The following METTL21C variants were observed in gnomAD, a reference collection of about 807,000 sequenced individuals.
METTL21C encodes protein-lysine methyltransferase METTL21C.
A neutral mutation model predicts 25.9 loss-of-function variants in METTL21C; 21 were observed. That is an observed-to-expected ratio of 0.81 (90% CI 0.58 to 1.17). The LOEUF (loss-of-function observed/expected upper bound fraction) is 1.17, where lower values mean the gene tolerates loss of function less well. METTL21C is among the 50% of genes most tolerant of loss of function. The probability of loss-of-function intolerance (pLI) is 0.00; values close to 1 mark genes in which losing one functional copy is unlikely to be tolerated. For missense variants in METTL21C, 312 were observed against 315.1 expected (o/e 0.99, Z 0.07); for synonymous variants, 125 against 124.7 (o/e 1.00, Z -0.01).
chr13:102,694,900 T>TCTCTCTCA lies in METTL21C; in HGVS notation c.-403_-402insTGAGAGAG, dbSNP rs1262985773. Among the ~76,000 whole-genome samples the TCTCTCTCA allele has an allele frequency of 4.0e-4, 54 of 135,576 alleles. No individual in the cohort carries two copies. Among genetic ancestry groups the TCTCTCTCA allele is most frequent in the Middle Eastern group, 3.6e-3 (1 of 274 alleles). 88.9% of individuals were successfully genotyped at this position (135,576 alleles called of 152,430 possible). Reference sequence around the variant, plus strand: ...CTCTCTCTCTCTCTCTCTCTCTCTCTCACACACACACACACACACACACAC... The same window carrying TCTCTCTCA: ...CTCTCTCTCTCTCTCTCTCTCTCTCTCTCTCTCACACACACACACACACACACACACAC... On this transcript the variant is annotated 5_prime_UTR_variant, in exon 1 of 4. It removes the in-frame stop codon of an upstream open reading frame in the 5' UTR. Coordinates refer to ENST00000267273, the MANE Select transcript of METTL21C (RefSeq NM_001010977.3).
chr13:102,685,786 G>T lies in METTL21C; in HGVS notation c.*245C>A, dbSNP rs573051545. 2 of 402,592 alleles carry T rather than the reference G, an allele frequency of 5.0e-6. No individual in the cohort carries two copies. Among genetic ancestry groups the T allele is most frequent in the Non-Finnish European group, 8.8e-6 (2 of 227,588 alleles). The allele number at this position is 402,592 out of a possible 1,614,324, so 24.9% of individuals were successfully genotyped here. On this transcript the variant is annotated 3_prime_UTR_variant, in exon 4 of 4. Coordinates refer to ENST00000267273, the MANE Select transcript of METTL21C (RefSeq NM_001010977.3). Reference sequence around the variant, plus strand: ...TAAGATTTATTAAACATGTAACTTCGTTGGAACCAACAAAGCTACTTTCAT... The same window carrying T: ...TAAGATTTATTAAACATGTAACTTCTTTGGAACCAACAAAGCTACTTTCAT...
At chr13:102,697,281 G>A (rs1727487165), upstream of METTL21C, among the ~76,000 whole-genome samples, 1 of 152,032 alleles carries the variant, frequency 6.6e-6, no homozygotes, top group African/African-American at 2.4e-5. Context: ...GGTTCTCAAG[G>A]GGGAGTCCTC....
At chr13:102,691,204 C>T (rs1316132133) in intron 1 of METTL21C, among the ~76,000 whole-genome samples, 1 of 152,034 alleles carries the variant, frequency 6.6e-6, no homozygotes, top group African/African-American at 2.4e-5. Context: ...ATGCTCTGGG[C>T]CTTTTCTTTA....
At chr13:102,701,022 CA>C in the METTL21C span, among the ~76,000 whole-genome samples, 81 of 151,954 alleles carry the variant, frequency 5.3e-4, no homozygotes, top group East Asian at 0.014. Flanking sequence ...CATTTTTTCC[CA>C]ACAGATTTCT....
upstream of METTL21C, among the ~76,000 whole-genome samples, chr13:102,696,090 A>AT (rs927485456): frequency 4.6e-5 from 7 of 151,850 alleles, no homozygotes; most frequent in Admixed American, 6.6e-5. Context: ...TTCTAGGCTT[A>AT]TTTTTTTTGT....
At chr13:102,692,311 G>A (rs1197721259) in intron 1 of METTL21C, among the ~76,000 whole-genome samples, 3 of 152,108 alleles carry the variant, frequency 2.0e-5, no homozygotes, top group Non-Finnish European at 2.9e-5. Context: ...GCCTCCGGGT[G>A]TTTCAGGTCT....
At chr13:102,701,615 G>C in the METTL21C span, among the ~76,000 whole-genome samples, 1 of 152,110 alleles carries the variant, frequency 6.6e-6, no homozygotes, top group Non-Finnish European at 1.5e-5. Context: ...GATTGTGTGT[G>C]TGTGTGTGTA....
chr13:102,699,629 T>C (rs541016650), upstream of METTL21C, among the ~76,000 whole-genome samples: 16 of 152,330 alleles, frequency 1.1e-4, no homozygotes, highest in African/African-American at 3.8e-4. Flanking sequence ...ACAGACCTTC[T>C]TCAAGAACCC....
chr13:102,697,948 G>T (rs1329555456), upstream of METTL21C, among the ~76,000 whole-genome samples: 1 of 152,112 alleles, frequency 6.6e-6, no homozygotes, highest in African/African-American at 2.4e-5. Context: ...AGCTCCGGTG[G>T]TATTTTTCCA....
chr13:102,701,011 T>C, the METTL21C span, among the ~76,000 whole-genome samples: 8 of 152,094 alleles, frequency 5.3e-5, no homozygotes, highest in South Asian at 1.2e-3. Context: ...TTCAGAAAGA[T>C]CATTTTTTCC....
intron 2 of METTL21C, among the ~76,000 whole-genome samples, chr13:102,687,843 A>G (rs1885716182): frequency 6.6e-6 from 1 of 152,194 alleles, no homozygotes; most frequent in South Asian, 2.1e-4. Flanking sequence ...ACAGGAAATC[A>G]AACTTCCCTT....
chr13:102,697,398 C>T (rs551148755), upstream of METTL21C, among the ~76,000 whole-genome samples: 2 of 152,214 alleles, frequency 1.3e-5, no homozygotes, highest in Admixed American at 6.5e-5. Flanking sequence ...GCTGCAAAAC[C>T]TCCTACAATG....
upstream of METTL21C, among the ~76,000 whole-genome samples, chr13:102,697,763 G>T (rs902138908): frequency 6.6e-6 from 1 of 152,164 alleles, no homozygotes; most frequent in Admixed American, 6.5e-5. Flanking sequence ...TATTTGGGGA[G>T]TGTGAATAAC....
rs756434721 is a variant in METTL21C, at chr13:102,694,898, T to G, written c.-400A>C. ...TTCTCTCTCTCTCTCTCTCTCTCTC[T>G]CTCACACACACACACACACACACAC... is the stretch of plus-strand genomic sequence containing the variant. On this transcript the variant is annotated 5_prime_UTR_variant, in exon 1 of 4. Coordinates refer to ENST00000267273, the MANE Select transcript of METTL21C (RefSeq NM_001010977.3). 7.1e-6 allele frequency among the ~76,000 whole-genome samples: 1 copy of G among 141,654 alleles called. No individual in the cohort carries two copies. Among genetic ancestry groups the G allele is most frequent in the Admixed American group, 7.3e-5 (1 of 13,720 alleles). The allele number at this position is 141,654 out of a possible 152,430, so 92.9% of individuals were successfully genotyped here. A position where few individuals can be genotyped will look rare whatever the true frequency, so the allele number is the denominator to read the frequency against.
intron 1 of METTL21C, among the ~76,000 whole-genome samples, chr13:102,693,471 T>A (rs1225864116): frequency 6.6e-6 from 1 of 152,166 alleles, no homozygotes; most frequent in African/African-American, 2.4e-5. Context: ...GCCATGCCTG[T>A]CCCTCCTTCC....
At chr13:102,696,131 A>G (rs1172017831), upstream of METTL21C, among the ~76,000 whole-genome samples, 1 of 152,090 alleles carries the variant, frequency 6.6e-6, no homozygotes, top group African/African-American at 2.4e-5. Flanking sequence ...TTTACTGAAA[A>G]TGTGACTTGA....
intron 2 of METTL21C, among the ~76,000 whole-genome samples, chr13:102,687,347 G>C (rs545229913): frequency 6.6e-6 from 1 of 152,328 alleles, no homozygotes; most frequent in Non-Finnish European, 1.5e-5. Context: ...TCAGGGCAAT[G>C]TTGGGCTAAA....
chr13:102,689,845 T>C (rs972887955), intron 2 of METTL21C, among the ~76,000 whole-genome samples: 1 of 152,240 alleles, frequency 6.6e-6, no homozygotes, highest in Admixed American at 6.5e-5. Flanking sequence ...GGACTTCATT[T>C]AATCTCACAA....
the METTL21C span, among the ~76,000 whole-genome samples, chr13:102,704,229 A>G: frequency 2.6e-5 from 4 of 152,246 alleles, no homozygotes; most frequent in Non-Finnish European, 4.4e-5. Flanking sequence ...TCAGCTTTTC[A>G]AAGCTTAAAT....
Sources: gnomAD v4.1 joint callset for allele counts (sites outside exome capture counted in the v4.1 genomes callset) on GRCh38, gnomAD v4.1.1 for gene constraint, MANE v1.5 for transcripts, NCBI Gene and HGNC (gene_info 2026-07-23, HGNC 2026-07-21) for gene names.